Variants in IREB2 observed in about 807,000 individuals in gnomAD.
The protein encoded by IREB2 is iron responsive element binding protein 2.
In IREB2, 39 loss-of-function variants were observed where a neutral mutation model predicts 118.8. The ratio of observed to expected loss-of-function variants is 0.33; its 90% CI spans 0.25 to 0.43. IREB2 has a LOEUF of 0.43. Ranked by LOEUF, IREB2 falls within the 20% of genes least tolerant of loss-of-function variation. The pLI, the probability that IREB2 is intolerant of heterozygous loss-of-function variation, is 1.00. For synonymous variants in IREB2, 372 were observed against 392.2 expected (o/e 0.95, Z 0.61); for missense variants, 900 against 1,147.3 (o/e 0.78, Z 3.11).
chr15:78,470,962 G>T (rs1411790436), intron 6 of IREB2: 1 of 153,504 alleles, frequency 6.5e-6, no homozygotes, highest in African/African-American at 2.4e-5. Flanking sequence ...CCCCCAAAGT[G>T]CTGGGACTAC....
chr15:78,462,694 A>G (rs897295112), intron 2 of IREB2, among the ~76,000 whole-genome samples: 11 of 151,992 alleles, frequency 7.2e-5, no homozygotes, highest in Middle Eastern at 3.2e-3. Flanking sequence ...GAAGGTTTTT[A>G]TCTCTGCTTT....
intron 1 of IREB2, 198 bp downstream of exon 1, chr15:78,438,554 C>T (rs1241543993): frequency 1.5e-5 from 9 of 609,776 alleles, no homozygotes; most frequent in Admixed American, 8.8e-5. Context: ...CGATCCCCAC[C>T]CTCCTGCGCG....
In IREB2 at chr15:78,497,171, G is replaced by A. The variant is rs556090978; in HGVS notation, c.2641G>A (p.Asp881Asn). The A allele has an allele frequency of 2.5e-6, 4 of 1,613,874 alleles. No homozygotes were observed. In the South Asian group the frequency reaches 4.4e-5, roughly 18 times the overall value. ...LAESYEKIHK[D>N]HLIGIGIAPL... ...CGAAAGTTATGAAAAAATACACAAA[G>A]ATCATTTGATTGGAATTGGCATAGC... The change falls in exon 21 of 22, where the codon GAT (aspartate) becomes AAT (asparagine). Residue 881 changes from aspartate (D) to asparagine (N), a missense_variant. Transcript: ENST00000258886.
At chr15:78,478,697 C>G (rs966335322) in intron 10 of IREB2, among the ~76,000 whole-genome samples, 1 of 152,106 alleles carries the variant, frequency 6.6e-6, no homozygotes, top group African/African-American at 2.4e-5. Flanking sequence ...CAGAGTGAGA[C>G]TTGTGTCAAA....
intron 5 of IREB2, among the ~76,000 whole-genome samples, chr15:78,467,025 T>C (rs1265615426): frequency 1.3e-5 from 2 of 151,792 alleles, no homozygotes; most frequent in Non-Finnish European, 2.9e-5. Flanking sequence ...GAGACCAGCC[T>C]GGGCAGCACT....
At chr15:78,440,508 T>C (rs2050828936) in intron 2 of IREB2, among the ~76,000 whole-genome samples, 1 of 152,120 alleles carries the variant, frequency 6.6e-6, no homozygotes, top group Non-Finnish European at 1.5e-5. Context: ...TACAGGTGTA[T>C]GCCAACACAT....
At chr15:78,480,999 ACT>A (rs2051559569) in intron 10 of IREB2, among the ~76,000 whole-genome samples, 1 of 151,040 alleles carries the variant, frequency 6.6e-6, no homozygotes, top group South Asian at 2.1e-4. Context: ...ACAGAGCGAG[ACT>A]CTGTCTCAAA....
chr15:78,476,453 T>A, intron 9 of IREB2, 94 bp downstream of exon 9: 1 of 884,660 alleles, frequency 1.1e-6, no homozygotes, highest in Non-Finnish European at 1.6e-6. Context: ...TGTTATTTAC[T>A]ATTCACAAAA....
At chr15:78,465,192 T>C (rs1177827955) in intron 3 of IREB2, 59 bp from the exon 4 acceptor site, 4 of 1,339,874 alleles carry the variant, frequency 3.0e-6, no homozygotes, top group Non-Finnish European at 4.1e-6. Context: ...AGTTTATCAT[T>C]TATTAAGCAT....
intron 16 of IREB2, among the ~76,000 whole-genome samples, chr15:78,489,509 A>T (rs982986129): frequency 6.6e-6 from 1 of 152,058 alleles, no homozygotes; most frequent in African/African-American, 2.4e-5. Flanking sequence ...ATTATTTTTT[A>T]TTATTTATTT....
At chr15:78,476,113 T>C (rs1420255887) in intron 8 of IREB2, 75 bp from the exon 9 acceptor site, 10 of 1,149,070 alleles carry the variant, frequency 8.7e-6, no homozygotes, top group Non-Finnish European at 1.2e-5. Flanking sequence ...AAAATTTTAT[T>C]TTATAGTTTT....
chr15:78,438,541 T>A, intron 1 of IREB2, 185 bp downstream of exon 1: 1 of 643,328 alleles, frequency 1.6e-6, no homozygotes, highest in Middle Eastern at 4.4e-4. Flanking sequence ...AAGCTGGGGC[T>A]CCCGATCCCC....
At chr15:78,492,423 C>G (rs911025385) in intron 18 of IREB2, among the ~76,000 whole-genome samples, 17 of 145,098 alleles carry the variant, frequency 1.2e-4, no homozygotes, top group Admixed American at 2.1e-4. Flanking sequence ...CACAGACCAT[C>G]AGGCTTCTGT....
Position 78,473,283 on chromosome 15 carries a change from C to T in IREB2, c.925C>T (p.Pro309Ser). Residue 309 changes from proline to serine, a missense_variant, in exon 8 of 22, where the codon CCA (proline) becomes TCA (serine). Physicochemically the swap from Pro to Ser is moderately conservative, Grantham distance 74. Transcript: ENST00000258886. The stretch of plus-strand genomic sequence containing the variant: ...AACAGAAGCAGTTATGCTTGGTCTG[C>T]CAGTTTCTCTTACTTTACCAGAGGT... Reference protein sequence around the residue: ...IETEAVMLGLPVSLTLPEVVG... With the variant: ...IETEAVMLGLSVSLTLPEVVG... 3.1e-6 allele frequency: 5 copies of T among 1,613,954 alleles called. No individual in the cohort carries two copies. Among genetic ancestry groups the T allele is most frequent in the Non-Finnish European group, 4.2e-6 (5 of 1,179,832 alleles).
intron 13 of IREB2, among the ~76,000 whole-genome samples, 179 bp downstream of exon 13, chr15:78,486,019 A>C (rs1296469859): frequency 6.6e-6 from 1 of 152,234 alleles, no homozygotes; most frequent in Non-Finnish European, 1.5e-5. Context: ...CTTATTGGGC[A>C]TATCAAATGA....
intron 10 of IREB2, chr15:78,480,395 C>G (rs866476426): frequency 6.6e-6 from 1 of 152,094 alleles, no homozygotes; most frequent in Non-Finnish European, 1.5e-5. Context: ...GTTAAAAACC[C>G]TTGGCCAGGT....
chr15:78,498,229 G>T lies in IREB2; in HGVS notation c.*86G>T. 6 of 720,332 alleles carry T rather than the reference G, an allele frequency of 8.3e-6. No individual in the cohort carries two copies. The highest frequency in any genetic ancestry group is 2.4e-4 in the Middle Eastern group (1 of 4,168). 44.6% of individuals were successfully genotyped at this position (720,332 alleles called of 1,614,324 possible). On this transcript the variant is annotated 3_prime_UTR_variant, in exon 22 of 22. Coordinates refer to ENST00000258886, the MANE Select transcript of IREB2 (RefSeq NM_004136.4). ...CAGGAATCCTTACCATGGAGCAGCA[G>T]ATAGTCCCAGTATACTCACTTATCT...
Position 78,488,424 on chromosome 15 carries a change from A to C in IREB2, c.1951+88A>C, listed in dbSNP as rs558341422. On this transcript the variant is annotated intron_variant, in intron 15 of 21. Coordinates refer to ENST00000258886, the MANE Select transcript of IREB2 (RefSeq NM_004136.4). ...TTTTGAAATGTTTCTTAGACCATCT[A>C]TTCTTTGAATTATTTCAGGAAGACG... The C allele has an allele frequency of 1.0e-4, 119 of 1,142,836 alleles. 1 individual carries two copies. Among genetic ancestry groups the C allele is most frequent in the South Asian group, 5.9e-4 (35 of 59,684 alleles). The allele number at this position is 1,142,836 out of a possible 1,614,324, so 70.8% of individuals were successfully genotyped here.
upstream of IREB2, chr15:78,438,195 C>A (rs1156928447): frequency 2.8e-5 from 19 of 670,046 alleles, 1 homozygote; most frequent in Non-Finnish European, 4.6e-5. Flanking sequence ...GCTGGCTCTG[C>A]TGCTCTCGCG....
Sources: allele counts gnomAD v4.1 joint callset (sites outside exome capture counted in the v4.1 genomes callset), GRCh38; gene constraint gnomAD v4.1.1; transcripts MANE v1.5; gene names NCBI Gene and HGNC (gene_info 2026-07-23, HGNC 2026-07-21).